C5: variants seen among roughly 807,000 people sequenced by gnomAD.
The protein encoded by C5 is C3 and PZP-like alpha-2-macroglobulin domain-containing protein 4.
In C5, 140 loss-of-function variants were observed where a neutral mutation model predicts 218.8. That is an observed-to-expected ratio of 0.64 (90% CI 0.56 to 0.74). C5 has a LOEUF of 0.74. Ranked by LOEUF, C5 falls within the 30% of genes least tolerant of loss-of-function variation. C5 has a pLI of 0.00. For missense variants in C5, 1,700 were observed against 1,969.6 expected (o/e 0.86, Z 2.59); for synonymous variants, 614 against 682.3 (o/e 0.90, Z 1.56).
chr9:121,010,333 T>G (rs1420877701), intron 17 of C5, among the ~76,000 whole-genome samples: 1 of 152,218 alleles, frequency 6.6e-6, no homozygotes, highest in Non-Finnish European at 1.5e-5. Flanking sequence ...CATTTCTATA[T>G]GTCAATAATG....
intron 29 of C5, among the ~76,000 whole-genome samples, chr9:120,976,350 C>T (rs1013423440): frequency 6.6e-6 from 1 of 152,216 alleles, no homozygotes; most frequent in Non-Finnish European, 1.5e-5. Flanking sequence ...CCTTTGTCTA[C>T]ATGGCAACCA....
At chr9:121,028,029 C>T (rs2047440283) in intron 7 of C5, among the ~76,000 whole-genome samples, 1 of 152,100 alleles carries the variant, frequency 6.6e-6, no homozygotes, top group Non-Finnish European at 1.5e-5. Flanking sequence ...AAAAAGTGGG[C>T]AAAGGATATG....
intron 27 of C5, among the ~76,000 whole-genome samples, chr9:120,981,625 C>T (rs866539122): frequency 2.7e-4 from 41 of 152,328 alleles, no homozygotes; most frequent in African/African-American, 7.5e-4. Context: ...CTTACTTAGT[C>T]CTCAGCTTTC....
At chr9:121,023,847 G>C (rs1201158990) in intron 9 of C5, among the ~76,000 whole-genome samples, 1 of 152,010 alleles carries the variant, frequency 6.6e-6, no homozygotes, top group Non-Finnish European at 1.5e-5. Flanking sequence ...TCAGTTGACT[G>C]TATTCAAGGG....
At chr9:121,025,631 GA>G (rs771250324) in intron 8 of C5, 51 bp from the exon 9 acceptor site, 22 of 1,568,744 alleles carry the variant, frequency 1.4e-5, no homozygotes, top group Non-Finnish European at 1.8e-5. Context: ...AACTTATAAG[GA>G]AAAATTAATA....
intron 24 of C5, among the ~76,000 whole-genome samples, 196 bp from the exon 25 acceptor site, chr9:120,989,317 T>A (rs1469552533): frequency 2.0e-5 from 3 of 152,192 alleles, no homozygotes; most frequent in Admixed American, 2.0e-4. Context: ...AACATTCTGA[T>A]CTCATTCGAA....
chr9:120,960,320 G>T lies in C5; in HGVS notation c.4606C>A (p.Gln1536Lys). Residue 1536 changes from glutamine (Q) to lysine (K), a missense_variant, in exon 38 of 41, where the codon CAG (glutamine) becomes AAG (lysine). Physicochemically the swap from Gln to Lys is moderately conservative, Grantham distance 53. Coordinates refer to ENST00000223642, the MANE Select transcript of C5 (RefSeq NM_001735.3). ...GAGATTGTCAGATCCAATTCTTCCT[G>T]CATTTGCCCACAATCAGCTGGATTT... ...KCVEADCGQM[Q>K]EELDLTISAE... 6.2e-7 allele frequency: 1 copy of T among 1,612,644 alleles called. No homozygotes were observed. Among genetic ancestry groups the T allele is most frequent in the African/African-American group, 1.3e-5 (1 of 74,984 alleles).
chr9:121,004,539 T>TGA (rs1167915372), intron 20 of C5, among the ~76,000 whole-genome samples: 1 of 152,166 alleles, frequency 6.6e-6, no homozygotes, highest in Non-Finnish European at 1.5e-5. Flanking sequence ...TTTGGGAAGC[T>TGA]GAGGCAGGTG....
chr9:120,987,748 C>T (rs2047044539), intron 25 of C5, among the ~76,000 whole-genome samples: 1 of 151,910 alleles, frequency 6.6e-6, no homozygotes, highest in African/African-American at 2.4e-5. Context: ...GCTGGCACAC[C>T]GTTTTTATTA....
At chr9:121,023,735 A>G (rs1378248660) in intron 9 of C5, among the ~76,000 whole-genome samples, 1 of 152,184 alleles carries the variant, frequency 6.6e-6, no homozygotes, top group Non-Finnish European at 1.5e-5. Context: ...GGCCTTATGC[A>G]CAAGCTCGTA....
chr9:120,978,381 T>G (rs1472985618), intron 28 of C5, among the ~76,000 whole-genome samples: 6 of 152,276 alleles, frequency 3.9e-5, no homozygotes, highest in African/African-American at 1.2e-4. Flanking sequence ...GAGTCTCAGA[T>G]TTGCTGTATT....
rs41309042 is a variant in C5 at position 121,019,406 on chromosome 9, A to C, written c.1506+570T>G. Among the ~76,000 whole-genome samples the C allele has an allele frequency of 3.5e-3, 528 of 152,286 alleles. 4 individuals carry two copies. The highest frequency in any genetic ancestry group is 0.012 in the African/African-American group (499 of 41,566). On this transcript the variant is annotated intron_variant, in intron 12 of 40. Transcript: ENST00000223642. Reference sequence around the variant, plus strand: ...TCAGGAAGCTCTTAATATTTTCTGTAAGTTTTTTTCTTGGTTTCACCAACA... The same window carrying C: ...TCAGGAAGCTCTTAATATTTTCTGTCAGTTTTTTTCTTGGTTTCACCAACA...
chr9:121,032,142 C>T lies in C5; in HGVS notation c.638G>A (p.Gly213Glu). ...AKYKEDFSTT[G>E]TAYFEVKEYV... ...TTCTTTAACTTCAAAATATGCGGTT[C>T]CAGTTGTTGAAAAGTCCTCTTTATA... is the stretch of plus-strand genomic sequence containing the variant. Residue 213 changes from glycine to glutamate, a missense_variant, in exon 6 of 41, where the codon GGA (glycine) becomes GAA (glutamate). By Grantham distance (98) the Gly-to-Glu change is moderately conservative (BLOSUM62 -2). Coordinates refer to ENST00000223642, the MANE Select transcript of C5 (RefSeq NM_001735.3). The T allele has an allele frequency of 6.2e-7, 1 of 1,606,152 alleles. No homozygotes were observed. The highest frequency in any genetic ancestry group is 8.5e-7 in the Non-Finnish European group (1 of 1,172,940).
chr9:121,070,427 G>A, the C5 span, among the ~76,000 whole-genome samples: 801 of 88,284 alleles, frequency 9.1e-3, 10 homozygotes, highest in African/African-American at 0.032. Context: ...ATATATATAT[G>A]TATGTATATT....
chr9:120,997,454 G>A (rs776282112), intron 21 of C5, 93 bp downstream of exon 21: 43 of 994,396 alleles, frequency 4.3e-5, no homozygotes, highest in East Asian at 1.3e-4. Flanking sequence ...TTAATGTTTC[G>A]TTAAATTTAC....
intron 2 of C5, among the ~76,000 whole-genome samples, chr9:121,045,703 T>G (rs2047620813): frequency 6.6e-6 from 1 of 152,180 alleles, no homozygotes; most frequent in African/African-American, 2.4e-5. Context: ...TTGTTCTTTC[T>G]ATTAACTGCA....
chr9:121,048,978 C>T (rs1364954483), intron 1 of C5, among the ~76,000 whole-genome samples: 1 of 152,136 alleles, frequency 6.6e-6, no homozygotes, highest in Non-Finnish European at 1.5e-5. Context: ...TACTACCTAC[C>T]TGACCTTACA....
Position 121,046,240 on chromosome 9 carries a change from T to C in C5, c.209A>G (p.His70Arg), listed in dbSNP as rs1016043380. The C allele has an allele frequency of 6.2e-7, 1 of 1,606,522 alleles. No homozygotes were observed. Among genetic ancestry groups the C allele is most frequent in the Non-Finnish European group, 8.5e-7 (1 of 1,174,094 alleles). Reference protein sequence around the residue: ...PDKKFSYSSGHVHLSSENKFQ... With the variant: ...PDKKFSYSSGRVHLSSENKFQ... The stretch of plus-strand genomic sequence containing the variant: ...TTTATTCTCTGAGGATAAATGAACA[T>C]GGCCTGAGGAGTAACTAAATTTTTT... Residue 70 changes from histidine (H) to arginine (R), a missense_variant, in exon 2 of 41, where the codon CAT becomes CGT. Transcript: ENST00000223642.
At chr9:121,061,724 T>C in the C5 span, among the ~76,000 whole-genome samples, 1 of 152,244 alleles carries the variant, frequency 6.6e-6, no homozygotes, top group Non-Finnish European at 1.5e-5. Flanking sequence ...ATAACAGCAT[T>C]TCACTTGCAT....
Sources: gnomAD v4.1 joint callset for allele counts (sites outside exome capture counted in the v4.1 genomes callset) on GRCh38, gnomAD v4.1.1 for gene constraint, MANE v1.5 for transcripts, NCBI Gene and HGNC (gene_info 2026-07-23, HGNC 2026-07-21) for gene names.